Variants in RIMBP2 observed in about 807,000 individuals in gnomAD.
RIMBP2 encodes RIMS binding protein 2.
Under a neutral mutation model 118.6 loss-of-function variants are expected in RIMBP2, and 48 were observed. The ratio of observed to expected loss-of-function variants is 0.40; its 90% CI spans 0.32 to 0.51. The LOEUF (loss-of-function observed/expected upper bound fraction) is 0.51. Among genes scored for constraint, RIMBP2 ranks in the 20% least tolerant of loss-of-function variants. The pLI is 0.41. For synonymous variants in RIMBP2, 762 were observed against 742.9 expected, an observed-to-expected ratio of 1.03 and a Z score of -0.42; for missense variants, 1,551 against 1,768.3, an observed-to-expected ratio of 0.88 and a Z score of 2.20.
intron 1 of RIMBP2, among the ~76,000 whole-genome samples, chr12:130,673,875 G>A (rs1262617388): frequency 3.3e-5 from 5 of 151,908 alleles, no homozygotes; most frequent in Non-Finnish European, 5.9e-5. Flanking sequence ...TTGGAAGGCC[G>A]AGGCAGGTGG....
At chr12:130,445,109 G>T in intron 10 of RIMBP2, 51 bp downstream of exon 10, 2 of 1,219,196 alleles carry the variant, frequency 1.6e-6, no homozygotes, top group Non-Finnish European at 2.3e-6. Flanking sequence ...GGTGGTCTGC[G>T]GGGTGGACTG....
At chr12:130,605,221 T>C (rs2060114555) in intron 2 of RIMBP2, among the ~76,000 whole-genome samples, 1 of 152,212 alleles carries the variant, frequency 6.6e-6, no homozygotes, top group African/African-American at 2.4e-5. Context: ...ATATAATGGA[T>C]GCTTCTGGGA....
intron 1 of RIMBP2, among the ~76,000 whole-genome samples, chr12:130,646,227 C>T (rs1182322246): frequency 5.8e-5 from 4 of 68,524 alleles, no homozygotes; most frequent in African/African-American, 9.4e-5. Flanking sequence ...ACCTCCCTCA[C>T]CACCTGCCTC....
intron 1 of RIMBP2, among the ~76,000 whole-genome samples, chr12:130,640,850 G>A (rs1566416231): frequency 6.6e-6 from 1 of 152,308 alleles, no homozygotes; most frequent in East Asian, 1.9e-4. Flanking sequence ...GGGCCACCAA[G>A]GTTTTCAAAG....
Position 130,424,735 on chromosome 12 carries a change from C to A in RIMBP2, c.2536G>T (p.Gly846Trp). 8.1e-7 allele frequency: 1 copy of A among 1,232,278 alleles called. No individual in the cohort carries two copies. The highest frequency in any genetic ancestry group is 1.0e-6 in the Non-Finnish European group (1 of 988,070). The allele number at this position is 1,232,278 out of a possible 1,614,324, so 76.3% of individuals were successfully genotyped here. Reference protein sequence around the residue: ...EVAEEDGECCGLLHKQGAGPS... With the variant: ...EVAEEDGECCWLLHKQGAGPS... ...CCTGCACCCTGCTTGTGTAGCAGCC[C>A]ACAGCACTCTCCGTCCTCTTCCGCT... is the stretch of plus-strand genomic sequence containing the variant. Residue 846 changes from glycine (G) to tryptophan (W), a missense_variant, in exon 16 of 23, where the codon GGG becomes TGG. Gly to Trp is a radical substitution (Grantham distance 184). Coordinates refer to ENST00000690449, the MANE Select transcript of RIMBP2 (RefSeq NM_001393629.1). The surrounding 1 kb of genome is among the most constrained non-coding windows in gnomAD (Gnocchi z 9.8).
intron 2 of RIMBP2, among the ~76,000 whole-genome samples, chr12:130,580,926 GGTGTGTGTGTGTGTGTGTGTGTTTGTTT>G (rs1295737912): frequency 6.7e-6 from 1 of 149,340 alleles, no homozygotes; most frequent in African/African-American, 2.5e-5. Flanking sequence ...ACCCAGCAAT[GGTGTGTGTGTGTGTGTGTGTGTTTGTTT>G]GTGTGTGTGT....
rs1463847798 is a variant in RIMBP2 at position 130,628,472 on chromosome 12, G to C, written c.-351-16C>G. ...CATTTCCAAGCTGCGGGAAGAAGTA[G>C]ACACAATCTTCTGTCACCAAAGAAT... On this transcript the variant is annotated splice_polypyrimidine_tract_variant and intron_variant, in intron 1 of 22. Coordinates refer to ENST00000690449, the MANE Select transcript of RIMBP2 (RefSeq NM_001393629.1). 1 of 152,156 alleles carries C rather than the reference G, an allele frequency of 6.6e-6. No homozygotes were observed. Among genetic ancestry groups the C allele is most frequent in the East Asian group, 1.9e-4 (1 of 5,198 alleles). 9.4% of individuals were successfully genotyped at this position (152,156 alleles called of 1,614,324 possible). A position where few individuals can be genotyped will look rare whatever the true frequency, so the allele number is the denominator to read the frequency against.
At chr12:130,553,842 T>C (rs2056079928) in intron 2 of RIMBP2, among the ~76,000 whole-genome samples, 1 of 152,182 alleles carries the variant, frequency 6.6e-6, no homozygotes, top group Non-Finnish European at 1.5e-5. Flanking sequence ...CTCCCCAAAC[T>C]CTACATAAAG....
At chr12:130,606,017 G>A (rs971497008) in intron 2 of RIMBP2, among the ~76,000 whole-genome samples, 9 of 151,998 alleles carry the variant, frequency 5.9e-5, no homozygotes, top group Admixed American at 2.6e-4. Context: ...GCAGTAAGCC[G>A]AGACCATGCA....
At chr12:130,632,237 T>C (rs2062035974) in intron 1 of RIMBP2, among the ~76,000 whole-genome samples, 1 of 152,362 alleles carries the variant, frequency 6.6e-6, no homozygotes, top group African/African-American at 2.4e-5. Context: ...CATTGCTGAC[T>C]ACCTCCTTTT....
intron 1 of RIMBP2, among the ~76,000 whole-genome samples, chr12:130,693,290 A>C (rs1271145963): frequency 6.6e-6 from 1 of 152,246 alleles, no homozygotes; most frequent in Non-Finnish European, 1.5e-5. Context: ...GAAAAGGCAC[A>C]GGGCCATCTC....
At chr12:130,471,071 A>G (rs1314712339) in intron 5 of RIMBP2, among the ~76,000 whole-genome samples, 1 of 152,216 alleles carries the variant, frequency 6.6e-6, no homozygotes, top group Non-Finnish European at 1.5e-5. Flanking sequence ...ACTGCTTTGG[A>G]AACAAAACCT....
intron 1 of RIMBP2, among the ~76,000 whole-genome samples, chr12:130,652,921 G>T (rs2063287921): frequency 6.6e-6 from 1 of 152,106 alleles, no homozygotes; most frequent in Non-Finnish European, 1.5e-5. Context: ...ACTCACAATG[G>T]TGCTAAGCCG....
chr12:130,665,976 G>C (rs4759750), intron 1 of RIMBP2, among the ~76,000 whole-genome samples: 83,655 of 151,956 alleles, frequency 0.55, 23,721 homozygotes, highest in Non-Finnish European at 0.64. Context: ...GCCTCATCCT[G>C]TCTCCCTCTT....
At position 130,434,785 on chromosome 12, in the gene RIMBP2, C is replaced by G. The variant is rs1346445752; in HGVS notation, c.2202G>C (p.Arg734Ser). The part of the protein sequence containing the change: ...EDAYDSPDFK[R>S]RGASVDDFLK... ...GGAAGTCGTCCACCGAGGCGCCCCT[C>G]CTCTTGAAGTCTGGAGAGTCATAGG... The change falls in exon 14 of 23, where the codon AGG (arginine) becomes AGC (serine). Residue 734 changes from arginine (R) to serine (S), a missense_variant. Arg to Ser is a moderately radical substitution (Grantham distance 110). This residue lies in a region of RIMBP2 where 1,038 missense variants were observed against 1,125.1 expected (regional missense o/e 0.92). Transcript: ENST00000690449. The surrounding 1 kb of genome is among the most constrained non-coding windows in gnomAD (Gnocchi z 5.7). 4 of 1,613,794 alleles carry G rather than the reference C, an allele frequency of 2.5e-6. No individual in the cohort carries two copies. Among genetic ancestry groups the G allele is most frequent in the African/African-American group, 2.7e-5 (2 of 74,932 alleles).
In RIMBP2 at chr12:130,617,934, G is replaced by C. The variant is rs532268301; in HGVS notation, c.-217+10388C>G. ...CGGCCGGGTGTGGTGGCCCACGCCT[G>C]TAATCCCAGTACCTTGGGACGCTGA... On this transcript the variant is annotated intron_variant, in intron 2 of 22. Coordinates refer to ENST00000690449, the MANE Select transcript of RIMBP2 (RefSeq NM_001393629.1). The surrounding 1 kb of genome is among the most constrained non-coding windows in gnomAD (Gnocchi z 4.6). Among the ~76,000 whole-genome samples the C allele has an allele frequency of 8.3e-4, 124 of 148,954 alleles. 2 individuals are homozygous for C. Among genetic ancestry groups the C allele is most frequent in the Middle Eastern group, 3.5e-3 (1 of 286 alleles).
intron 2 of RIMBP2, among the ~76,000 whole-genome samples, chr12:130,540,284 C>A (rs1156387272): frequency 1.3e-5 from 2 of 152,078 alleles, no homozygotes; most frequent in African/African-American, 4.8e-5. Flanking sequence ...GGGCACTGGG[C>A]AGACTCATGG....
chr12:130,700,175 T>G (rs1008476420), intron 1 of RIMBP2, among the ~76,000 whole-genome samples: 3 of 151,928 alleles, frequency 2.0e-5, no homozygotes, highest in Non-Finnish European at 4.4e-5. Context: ...TGGTGTGGTT[T>G]TTAGTTTATT....
chr12:130,396,218 A>G lies in RIMBP2; in HGVS notation c.*1143T>C, dbSNP rs1390891378. On this transcript the variant is annotated 3_prime_UTR_variant, in exon 23 of 23. Transcript: ENST00000690449. ...ACACCCACACAGAGCTTAACCACAC[A>G]TGGATTTCCTTTAATAATAAATCTA... 3 of 152,676 alleles carry G rather than the reference A, an allele frequency of 2.0e-5. No homozygotes were observed. Among genetic ancestry groups the G allele is most frequent in the Admixed American group, 1.3e-4 (2 of 15,282 alleles). 9.5% of individuals were successfully genotyped at this position (152,676 alleles called of 1,614,324 possible).
Sources: gnomAD v4.1 joint callset for allele counts (sites outside exome capture counted in the v4.1 genomes callset) on GRCh38, gnomAD v4.1.1 for gene constraint, gnomAD v4.1.1 regional missense constraint, Gnocchi (gnomAD v3.1) non-coding constraint, MANE v1.5 for transcripts, NCBI Gene and HGNC (gene_info 2026-07-23, HGNC 2026-07-21) for gene names.